ACOT7: variants seen among roughly 807,000 people sequenced by gnomAD.
The protein encoded by ACOT7 is acyl-CoA thioesterase 7.
Under a neutral mutation model 40.2 loss-of-function variants are expected in ACOT7, and 12 were observed. The observed-to-expected ratio is 0.30, with a 90% CI of 0.19 to 0.48. The LOEUF is 0.48. Among genes scored for constraint, ACOT7 ranks in the 20% least tolerant of loss-of-function variants. ACOT7 has a pLI of 0.99. For synonymous variants in ACOT7, 228 were observed against 219.5 expected (o/e 1.04, Z -0.34); for missense variants, 395 against 530.8 (o/e 0.74, Z 2.51).
intron 8 of ACOT7, among the ~76,000 whole-genome samples, chr1:6,279,673 C>T (rs1639297263): frequency 6.6e-6 from 1 of 152,214 alleles, no homozygotes; most frequent in South Asian, 2.1e-4. Flanking sequence ...ACTCAGCCCA[C>T]CCGACCTGGG....
At chr1:6,267,619 G>C (rs1332738334) in intron 8 of ACOT7, among the ~76,000 whole-genome samples, 1 of 152,242 alleles carries the variant, frequency 6.6e-6, no homozygotes, top group African/African-American at 2.4e-5. Flanking sequence ...TGCACACTGG[G>C]ATGAAGGTTC....
At chr1:6,391,496 A>G (rs1226748836) in intron 1 of ACOT7, among the ~76,000 whole-genome samples, 1 of 152,170 alleles carries the variant, frequency 6.6e-6, no homozygotes, top group Admixed American at 6.5e-5. Context: ...ACAGAGTGAG[A>G]CTCTGTCTCA....
chr1:6,307,444 A>G (rs1382464350), intron 6 of ACOT7, among the ~76,000 whole-genome samples: 4 of 152,234 alleles, frequency 2.6e-5, no homozygotes, highest in Admixed American at 2.0e-4. Flanking sequence ...GGTCACAGGA[A>G]AGTGTGTCAG....
At chr1:6,370,216 T>C (rs901478637) in intron 1 of ACOT7, among the ~76,000 whole-genome samples, 1 of 152,158 alleles carries the variant, frequency 6.6e-6, no homozygotes, top group Admixed American at 6.5e-5. Flanking sequence ...CCCCTTCTGC[T>C]GTAAGTAGAA....
In ACOT7 at chr1:6,367,091, C is replaced by T. The variant is rs535281890; in HGVS notation, c.144-17225G>A. Among the ~76,000 whole-genome samples the T allele has an allele frequency of 3.2e-3, 482 of 151,412 alleles. 2 individuals are homozygous for T. The highest frequency in any genetic ancestry group is 3.5e-3 in the Non-Finnish European group (235 of 67,908). ...GCAGGCACCTGTAGTCCCAGCTACT[C>T]GGGAGGCTGAGGCAAGAGAATTGCG... On this transcript the variant is annotated intron_variant, in intron 1 of 8. Coordinates refer to ENST00000361521, the MANE Select transcript of ACOT7 (RefSeq NM_007274.4).
rs952709782 is a variant in ACOT7, at chr1:6,330,110, G to A, written c.511-2697C>T. On this transcript the variant is annotated intron_variant, in intron 4 of 8. Transcript: ENST00000361521. This position sits in a 1 kb window ranked among gnomAD's most constrained non-coding sequence, Gnocchi z 4.6. ...GTGTTCAAGATATCTACATGCATAC[G>A]TATGTGACATCTCTATTTGTATGTG... Among the ~76,000 whole-genome samples the A allele has an allele frequency of 5.8e-4, 88 of 152,268 alleles. No homozygotes were observed. Among genetic ancestry groups the A allele is most frequent in the African/African-American group, 1.9e-3 (79 of 41,542 alleles).
At position 6,282,343 on chromosome 1, in the gene ACOT7, G is replaced by A. The variant is rs887422821; in HGVS notation, c.830-1057C>T. Among the ~76,000 whole-genome samples the A allele has an allele frequency of 3.3e-5, 5 of 152,144 alleles. No homozygotes were observed. Among genetic ancestry groups the A allele is most frequent in the Non-Finnish European group, 7.4e-5 (5 of 68,010 alleles). Reference sequence around the variant, plus strand: ...GGGGCCCCGGGAAGGTGTCACCATCGATGTCACTGGCCACCAGGCTGCAGA... The same window carrying A: ...GGGGCCCCGGGAAGGTGTCACCATCAATGTCACTGGCCACCAGGCTGCAGA... On this transcript the variant is annotated intron_variant, in intron 7 of 8. Coordinates refer to ENST00000361521, the MANE Select transcript of ACOT7 (RefSeq NM_007274.4). The surrounding 1 kb of genome is among the most constrained non-coding windows in gnomAD (Gnocchi z 4.5).
At chr1:6,349,491 G>A (rs1219279072) in intron 2 of ACOT7, among the ~76,000 whole-genome samples, 4 of 152,254 alleles carry the variant, frequency 2.6e-5, no homozygotes, top group African/African-American at 9.6e-5. Context: ...GGCATGGCGG[G>A]GAGTGGTGGA....
At chr1:6,344,135 G>A (rs1254035188) in intron 2 of ACOT7, among the ~76,000 whole-genome samples, 1 of 152,194 alleles carries the variant, frequency 6.6e-6, no homozygotes, top group African/African-American at 2.4e-5. Flanking sequence ...GGGAGGTGGT[G>A]GGGAGCCACC....
At chr1:6,384,995 TA>T (rs1642411160) in intron 1 of ACOT7, among the ~76,000 whole-genome samples, 1 of 151,850 alleles carries the variant, frequency 6.6e-6, no homozygotes, top group Admixed American at 6.6e-5. Context: ...AGAGTTTCTG[TA>T]AAGTTTAGGA....
At chr1:6,353,897 C>T (rs940192934) in intron 1 of ACOT7, among the ~76,000 whole-genome samples, 4 of 152,114 alleles carry the variant, frequency 2.6e-5, no homozygotes, top group Admixed American at 6.6e-5. Context: ...GCCTTTCCTA[C>T]GTGGCTGCCT....
chr1:6,375,953 A>ATT (rs1291500833), intron 1 of ACOT7, among the ~76,000 whole-genome samples: 4 of 130,242 alleles, frequency 3.1e-5, no homozygotes, highest in African/African-American at 6.2e-5. Context: ...AAAAAAAAAA[A>ATT]TTTTTTTAAA....
chr1:6,358,761 T>G lies in ACOT7; in HGVS notation c.144-8895A>C. The stretch of plus-strand genomic sequence containing the variant: ...CCTCTACCCACCCTTCCCTTCCAAA[T>G]GTCCCTAAACAATCCACCCACAGTG... On this transcript the variant is annotated intron_variant, in intron 1 of 8. Transcript: ENST00000361521. This position sits in a 1 kb window ranked among gnomAD's most constrained non-coding sequence, Gnocchi z 4.1. 6.6e-7 allele frequency: 1 copy of G among 1,525,144 alleles called. No individual in the cohort carries two copies. Among genetic ancestry groups the G allele is most frequent in the Non-Finnish European group, 9.1e-7 (1 of 1,101,218 alleles). 94.5% of individuals were successfully genotyped at this position (1,525,144 alleles called of 1,614,324 possible). A position where few individuals can be genotyped will look rare whatever the true frequency, so the allele number is the denominator to read the frequency against.
At position 6,299,178 on chromosome 1, in the gene ACOT7, C is replaced by T. The variant is rs1354938013; in HGVS notation, c.713-4198G>A. Reference sequence around the variant, plus strand: ...CCTGAGCCGTGGGCTCAGTGTCTGTCAGGCAGAGGAGGTGACGGCGCCCAC... The same window carrying T: ...CCTGAGCCGTGGGCTCAGTGTCTGTTAGGCAGAGGAGGTGACGGCGCCCAC... On this transcript the variant is annotated intron_variant, in intron 6 of 8. Coordinates refer to ENST00000361521, the MANE Select transcript of ACOT7 (RefSeq NM_007274.4). The surrounding 1 kb of genome is among the most constrained non-coding windows in gnomAD (Gnocchi z 4.1). Among the ~76,000 whole-genome samples, 1 of 152,238 alleles carries T rather than the reference C, an allele frequency of 6.6e-6. No individual in the cohort carries two copies. Among genetic ancestry groups the T allele is most frequent in the African/African-American group, 2.4e-5 (1 of 41,466 alleles).
Position 6,282,772 on chromosome 1 carries a change from T to C in ACOT7, c.830-1486A>G. Reference sequence around the variant, plus strand: ...GGGAGAGGAGGAAGGAGCTGTGTGGTCAGCGCCAGCAGGCATTACGTGAGC... The same window carrying C: ...GGGAGAGGAGGAAGGAGCTGTGTGGCCAGCGCCAGCAGGCATTACGTGAGC... On this transcript the variant is annotated intron_variant, in intron 7 of 8. Coordinates refer to ENST00000361521, the MANE Select transcript of ACOT7 (RefSeq NM_007274.4). The surrounding 1 kb of genome is among the most constrained non-coding windows in gnomAD (Gnocchi z 4.5). 7.7e-7 allele frequency: 1 copy of C among 1,304,264 alleles called. No individual in the cohort carries two copies. The highest frequency in any genetic ancestry group is 1.0e-6 in the Non-Finnish European group (1 of 988,966). The allele number at this position is 1,304,264 out of a possible 1,614,324, so 80.8% of individuals were successfully genotyped here.
intron 1 of ACOT7, among the ~76,000 whole-genome samples, chr1:6,365,467 C>T (rs1479724695): frequency 2.6e-5 from 4 of 152,136 alleles, no homozygotes; most frequent in African/African-American, 7.2e-5. Context: ...TATATACCTT[C>T]ATTTAAAAAC....
chr1:6,308,807 G>A (rs1385424019), intron 6 of ACOT7, among the ~76,000 whole-genome samples: 1 of 152,040 alleles, frequency 6.6e-6, no homozygotes, highest in East Asian at 1.9e-4. Context: ...AAGCGACTGG[G>A]CGGAGGGAAA....
intron 1 of ACOT7, among the ~76,000 whole-genome samples, chr1:6,377,958 T>C (rs1642264285): frequency 6.6e-6 from 1 of 151,978 alleles, no homozygotes; most frequent in South Asian, 2.1e-4. Flanking sequence ...TAGTCCCAGC[T>C]ACTCGGGAGG....
rs549742213 is a variant in ACOT7 at position 6,305,325 on chromosome 1, G to C, written c.713-10345C>G. Among the ~76,000 whole-genome samples, 866 of 145,200 alleles carry C rather than the reference G, an allele frequency of 6.0e-3. 3 individuals carry two copies. The highest frequency in any genetic ancestry group is 0.012 in the Middle Eastern group (3 of 248). ...TCCTCACTTCCCAGTAGGGGCGGCC[G>C]GGCAGAGGCGCCCCTCACCTCCCGG... On this transcript the variant is annotated intron_variant, in intron 6 of 8. Coordinates refer to ENST00000361521, the MANE Select transcript of ACOT7 (RefSeq NM_007274.4).
Sources: allele counts gnomAD v4.1 joint callset (sites outside exome capture counted in the v4.1 genomes callset), GRCh38; gene constraint gnomAD v4.1.1; non-coding constraint Gnocchi (gnomAD v3.1); transcripts MANE v1.5; gene names NCBI Gene and HGNC (gene_info 2026-07-23, HGNC 2026-07-21).